The following SLC25A21 variants were observed in gnomAD, a reference collection of about 807,000 sequenced individuals.
SLC25A21 encodes the protein solute carrier family 25 member 21.
A neutral mutation model predicts 43.8 loss-of-function variants in SLC25A21; 47 were observed. The observed-to-expected ratio is 1.07, with a 90% CI of 0.85 to 1.37. The LOEUF (loss-of-function observed/expected upper bound fraction) is 1.37. Ranked by LOEUF, SLC25A21 falls within the 40% of genes most tolerant of loss-of-function variation. The probability of loss-of-function intolerance (pLI) is 0.00; values close to 1 mark genes in which losing one functional copy is unlikely to be tolerated. For synonymous variants in SLC25A21, 131 were observed against 121.3 expected (o/e 1.08, Z -0.52); for missense variants, 352 against 350.2 (o/e 1.00, Z -0.04).
chr14:37,002,034 C>T (rs896347676), intron 1 of SLC25A21, among the ~76,000 whole-genome samples: 2 of 152,056 alleles, frequency 1.3e-5, no homozygotes, highest in African/African-American at 4.8e-5. Flanking sequence ...TAAGTCAAAA[C>T]TTATTCATCA....
At chr14:36,684,413 T>C (rs746059825) in intron 8 of SLC25A21, among the ~76,000 whole-genome samples, 1 of 152,196 alleles carries the variant, frequency 6.6e-6, no homozygotes, top group Non-Finnish European at 1.5e-5. Context: ...GGTGGCAATT[T>C]AATGGGATTT....
At chr14:36,918,949 C>A (rs900927274) in intron 1 of SLC25A21, among the ~76,000 whole-genome samples, 1 of 151,934 alleles carries the variant, frequency 6.6e-6, no homozygotes, top group African/African-American at 2.4e-5. Context: ...TTTATGTGAT[C>A]AGTCAGAACT....
chr14:36,921,071 A>G (rs1891967647), intron 1 of SLC25A21, among the ~76,000 whole-genome samples: 1 of 152,270 alleles, frequency 6.6e-6, no homozygotes, highest in Non-Finnish European at 1.5e-5. Context: ...TAACCATCCC[A>G]TAAAACAACT....
intron 2 of SLC25A21, among the ~76,000 whole-genome samples, chr14:36,830,143 G>A (rs942962667): frequency 7.2e-5 from 11 of 151,848 alleles, no homozygotes; most frequent in East Asian, 1.9e-4. Context: ...CTTCTTAGGC[G>A]GAAAAAAATC....
chr14:36,941,139 C>A (rs1397545259), intron 1 of SLC25A21, among the ~76,000 whole-genome samples: 1 of 148,662 alleles, frequency 6.7e-6, no homozygotes, highest in Non-Finnish European at 1.5e-5. Context: ...AGTATCAAAC[C>A]AAACTCCGGG....
At chr14:36,945,746 C>T (rs1004558964) in intron 1 of SLC25A21, among the ~76,000 whole-genome samples, 1 of 152,004 alleles carries the variant, frequency 6.6e-6, no homozygotes, top group Non-Finnish European at 1.5e-5. Context: ...TTAATGGGTA[C>T]AGAACTTCAA....
chr14:36,967,401 T>C (rs1826177526), intron 1 of SLC25A21, among the ~76,000 whole-genome samples: 1 of 152,196 alleles, frequency 6.6e-6, no homozygotes, highest in South Asian at 2.1e-4. Context: ...TAACCATACA[T>C]GAGCACTTAG....
chr14:37,136,903 A>G (rs989181371), intron 1 of SLC25A21, among the ~76,000 whole-genome samples: 1 of 152,184 alleles, frequency 6.6e-6, no homozygotes, highest in African/African-American at 2.4e-5. Context: ...GATATAGGGC[A>G]GGGGGAATGG....
chr14:36,826,026 G>C (rs1308413655), intron 2 of SLC25A21, among the ~76,000 whole-genome samples: 1 of 152,194 alleles, frequency 6.6e-6, no homozygotes, highest in African/African-American at 2.4e-5. Flanking sequence ...GGAGTTTACA[G>C]ATAATTCAAG....
intron 1 of SLC25A21, among the ~76,000 whole-genome samples, chr14:37,071,314 T>TCC (rs745309591): frequency 1.2e-3 from 186 of 152,368 alleles, no homozygotes; most frequent in Non-Finnish European, 2.3e-3. Context: ...CATCAGATAC[T>TCC]ATTTTTTAGA....
chr14:36,875,656 A>G (rs1400009116), intron 1 of SLC25A21, among the ~76,000 whole-genome samples: 1 of 152,192 alleles, frequency 6.6e-6, no homozygotes, highest in Non-Finnish European at 1.5e-5. Context: ...TACAAATGAG[A>G]AAATTGAAGC....
At chr14:36,906,495 T>C (rs909739598) in intron 1 of SLC25A21, among the ~76,000 whole-genome samples, 5 of 151,534 alleles carry the variant, frequency 3.3e-5, no homozygotes, top group Non-Finnish European at 4.4e-5. Flanking sequence ...TGGGAAGTTG[T>C]TTAATTTCTT....
At chr14:36,836,674 GGTACCTAGGTAAGAAAATGA>G (rs1889220700) in intron 2 of SLC25A21, among the ~76,000 whole-genome samples, 1 of 152,164 alleles carries the variant, frequency 6.6e-6, no homozygotes, top group African/African-American at 2.4e-5. Context: ...TAGGCATCAG[GGTACCTAGGTAAGAAAATGA>G]GCAGGTGGCA....
intron 3 of SLC25A21, among the ~76,000 whole-genome samples, chr14:36,764,143 GGAAA>G (rs1233360789): frequency 8.9e-5 from 3 of 33,804 alleles, no homozygotes; most frequent in Non-Finnish European, 1.7e-4. Flanking sequence ...AAGGAAAGAA[GGAAA>G]GAAAGAAAGA....
intron 7 of SLC25A21, among the ~76,000 whole-genome samples, chr14:36,707,174 C>G (rs1169362258): frequency 6.6e-6 from 1 of 152,198 alleles, no homozygotes; most frequent in Non-Finnish European, 1.5e-5. Flanking sequence ...TTTGCTGTCC[C>G]TTGCTAATTT....
At chr14:36,968,466 A>G (rs538943619) in intron 1 of SLC25A21, among the ~76,000 whole-genome samples, 14 of 152,316 alleles carry the variant, frequency 9.2e-5, no homozygotes, top group Non-Finnish European at 2.1e-4. Flanking sequence ...GGCAGCCTAG[A>G]GGAAAGCCAC....
chr14:36,837,625 G>A (rs533121307), intron 2 of SLC25A21, among the ~76,000 whole-genome samples: 1 of 152,256 alleles, frequency 6.6e-6, no homozygotes, highest in East Asian at 1.9e-4. Flanking sequence ...GGCTTGGCGA[G>A]CAATGGCTAC....
intron 3 of SLC25A21, among the ~76,000 whole-genome samples, chr14:36,761,786 C>T (rs1009707898): frequency 1.3e-5 from 2 of 152,106 alleles, no homozygotes; most frequent in Non-Finnish European, 2.9e-5. Flanking sequence ...TAAAGATATG[C>T]ATATTGACGT....
In SLC25A21 at chr14:36,997,775, G is replaced by A. The variant is rs561220393; in HGVS notation, c.71-122771C>T. On this transcript the variant is annotated intron_variant, in intron 1 of 9. Transcript: ENST00000331299. Reference sequence around the variant, plus strand: ...ACCTGGGAGGCAGAGGTTGCAGATTGCACCATTGCACTGCAGCCTCAGTGA... The same window carrying A: ...ACCTGGGAGGCAGAGGTTGCAGATTACACCATTGCACTGCAGCCTCAGTGA... Among the ~76,000 whole-genome samples the A allele has an allele frequency of 6.1e-5, 9 of 147,160 alleles. No individual in the cohort carries two copies. In the South Asian group the frequency reaches 2.2e-3, roughly 35 times the overall value.
Sources: allele counts gnomAD v4.1 joint callset (sites outside exome capture counted in the v4.1 genomes callset), GRCh38; gene constraint gnomAD v4.1.1; transcripts MANE v1.5; gene names NCBI Gene and HGNC (gene_info 2026-07-23, HGNC 2026-07-21).